The following CCN5 variants were observed in gnomAD, a reference collection of about 807,000 sequenced individuals.
CCN5 encodes CCN family member 5.
A neutral mutation model predicts 18.7 loss-of-function variants in CCN5; 17 were observed. The observed-to-expected ratio is 0.91, with a 90% CI of 0.62 to 1.36. The LOEUF (loss-of-function observed/expected upper bound fraction) is 1.36. Among genes scored for constraint, CCN5 ranks in the 40% most tolerant of loss-of-function variants. The pLI, the probability that CCN5 is intolerant of heterozygous loss-of-function variation, is 0.00. For missense variants in CCN5, 367 were observed against 342.9 expected, an observed-to-expected ratio of 1.07 and a Z score of -0.56; for synonymous variants, 135 against 145.2, an observed-to-expected ratio of 0.93 and a Z score of 0.50.
In CCN5 at chr20:44,724,904, C is replaced by A. The variant is rs745523302; in HGVS notation, c.444C>A (p.Pro148=). Residue 148 remains proline (P), a synonymous_variant, in exon 3 of 4, where the codon CCC becomes CCA. Coordinates refer to ENST00000190983, the MANE Select transcript of CCN5 (RefSeq NM_003881.4). ...TGCCCAGCTGGGACTGCCCCCACCC[C>A]AGGAGGGTCGAGGTCCTGGGCAAGT... ...VRLPSWDCPH[P]RRVEVLGKCC... The A allele has an allele frequency of 1.0e-5, 16 of 1,594,104 alleles. No individual in the cohort carries two copies. The East Asian group carries it at 3.2e-4, about 32-fold the overall frequency.
chr20:44,727,467 C>G lies in CCN5; in HGVS notation c.*160C>G. 1 of 1,432,596 alleles carries G rather than the reference C, an allele frequency of 7.0e-7. No individual in the cohort carries two copies. The highest frequency in any genetic ancestry group is 9.2e-7 in the Non-Finnish European group (1 of 1,088,346). 88.7% of individuals were successfully genotyped at this position (1,432,596 alleles called of 1,614,324 possible). On this transcript the variant is annotated 3_prime_UTR_variant, in exon 4 of 4. Coordinates refer to ENST00000190983, the MANE Select transcript of CCN5 (RefSeq NM_003881.4). Reference sequence around the variant, plus strand: ...CAGAACACCAATATTAACACGCTGCCTGGTCTGTCTGGATCCCGAGGTATG... The same window carrying G: ...CAGAACACCAATATTAACACGCTGCGTGGTCTGTCTGGATCCCGAGGTATG...
At chr20:44,723,212 C>T (rs2145417737) in intron 2 of CCN5, among the ~76,000 whole-genome samples, 1 of 152,206 alleles carries the variant, frequency 6.6e-6, no homozygotes. Flanking sequence ...GTTCCCTCTA[C>T]CAGCATTATT....
At chr20:44,715,640 G>A (rs1053358461) in intron 1 of CCN5, among the ~76,000 whole-genome samples, 190 bp downstream of exon 1, 1 of 152,236 alleles carries the variant, frequency 6.6e-6, no homozygotes, top group Admixed American at 6.5e-5. Flanking sequence ...CAGCCCTGCT[G>A]TGTGACCTCA....
chr20:44,715,321 C>T, upstream of CCN5: 3 of 1,491,258 alleles, frequency 2.0e-6, no homozygotes, highest in South Asian at 1.2e-5. Flanking sequence ...CTGGGAGTGA[C>T]CTCACAGCTG....
rs142405609 is a variant in CCN5, at chr20:44,727,357, C to G, written c.*50C>G. 1.6e-3 allele frequency: 2,555 copies of G among 1,557,832 alleles called. 27 individuals are homozygous for G. The Middle Eastern group carries it at 0.022, about 13-fold the overall frequency. ...GTGTCCACCATCCCCAGCTGGTGGCCCTGTGCCTGGGCCCTGGGCTGATGG... is the reference window on the plus strand; with the variant it reads ...GTGTCCACCATCCCCAGCTGGTGGCGCTGTGCCTGGGCCCTGGGCTGATGG... On this transcript the variant is annotated 3_prime_UTR_variant, in exon 4 of 4. Transcript: ENST00000190983.
chr20:44,717,900 G>T (rs982017730), intron 1 of CCN5, among the ~76,000 whole-genome samples: 2 of 147,210 alleles, frequency 1.4e-5, no homozygotes, highest in Non-Finnish European at 3.0e-5. Flanking sequence ...AAAAAAAAAA[G>T]AAAGAAAAAG....
At chr20:44,723,354 G>C (rs1001887059) in intron 2 of CCN5, among the ~76,000 whole-genome samples, 2 of 150,164 alleles carry the variant, frequency 1.3e-5, no homozygotes, top group Admixed American at 6.6e-5. Flanking sequence ...TCTGCTATGT[G>C]CCAGGCTTGG....
At chr20:44,719,430 G>A (rs34745387) in intron 1 of CCN5, among the ~76,000 whole-genome samples, 10,665 of 152,196 alleles carry the variant, frequency 0.07, 419 homozygotes, top group African/African-American at 0.096. Flanking sequence ...CGAGGCGGGC[G>A]GATTGCCTGA....
chr20:44,725,559 A>AAC (rs2065930780), intron 3 of CCN5, among the ~76,000 whole-genome samples: 1 of 152,124 alleles, frequency 6.6e-6, no homozygotes, highest in Admixed American at 6.5e-5. Flanking sequence ...TAAAAATAAA[A>AAC]ACTGGGTGAC....
Position 44,727,606 on chromosome 20 carries a change from A to C in CCN5, c.*299A>C. 12 of 1,080,972 alleles carry C rather than the reference A, an allele frequency of 1.1e-5. No individual in the cohort carries two copies. Among genetic ancestry groups the C allele is most frequent in the Non-Finnish European group, 1.3e-5 (11 of 841,548 alleles). The allele number at this position is 1,080,972 out of a possible 1,614,324, so 67.0% of individuals were successfully genotyped here. A position where few individuals can be genotyped will look rare whatever the true frequency, so the allele number is the denominator to read the frequency against. On this transcript the variant is annotated 3_prime_UTR_variant, in exon 4 of 4. Coordinates refer to ENST00000190983, the MANE Select transcript of CCN5 (RefSeq NM_003881.4). ...CCTACACACACAGCCTATATCAAAC[A>C]TGCACACGGGCGAGCTTTCTCTCCG... is the stretch of plus-strand genomic sequence containing the variant.
chr20:44,724,400 T>C, intron 2 of CCN5: 1 of 369,682 alleles, frequency 2.7e-6, no homozygotes, highest in Non-Finnish European at 4.9e-6. Context: ...GAGTAGTCTC[T>C]ACCACCCTGG....
intron 2 of CCN5, 198 bp from the exon 3 acceptor site, chr20:44,724,540 C>G (rs1179342810): frequency 1.8e-5 from 14 of 758,564 alleles, no homozygotes; most frequent in Non-Finnish European, 2.7e-5. Flanking sequence ...TGTCTTCTTG[C>G]AATCCCTGTG....
rs1568882801 is a variant in CCN5 at position 44,727,307 on chromosome 20, G to C, written c.753G>C (p.Ter251TyrextTer24). 6.2e-7 allele frequency: 1 copy of C among 1,605,702 alleles called. No individual in the cohort carries two copies. Among genetic ancestry groups the C allele is most frequent in the African/African-American group, 1.3e-5 (1 of 74,882 alleles). ...GCAGTCCACAAAACAGTGCCTTCTAGAGCCGGGCTGGGAATGGGGACACGG... is the reference window on the plus strand; with the variant it reads ...GCAGTCCACAAAACAGTGCCTTCTACAGCCGGGCTGGGAATGGGGACACGG... ...RGRSPQNSAF[*>Y] The change falls in exon 4 of 4, where the codon TAG becomes TAC. Residue 251 changes from the stop codon to tyrosine, a stop_lost. Transcript: ENST00000190983.
At position 44,715,437 on chromosome 20, in the gene CCN5, G is replaced by A; in HGVS notation, c.47G>A (p.Cys16Tyr). The stretch of plus-strand genomic sequence containing the variant: ...CACCTCCTGGCCTTCTCCCTCCTCT[G>A]CCTCCTCTCAAAGGTAAGGAGGCCC... ...KTHLLAFSLL[C>Y]LLSKVRTQLC... is the part of the protein sequence containing the mutation. Residue 16 changes from cysteine (C) to tyrosine (Y), a missense_variant, in exon 1 of 4, where the codon TGC (cysteine) becomes TAC (tyrosine). Physicochemically the swap from Cys to Tyr is radical, Grantham distance 194. Coordinates refer to ENST00000190983, the MANE Select transcript of CCN5 (RefSeq NM_003881.4). 1 of 1,596,584 alleles carries A rather than the reference G, an allele frequency of 6.3e-7. No individual in the cohort carries two copies. Among genetic ancestry groups the A allele is most frequent in the Non-Finnish European group, 8.5e-7 (1 of 1,171,770 alleles).
chr20:44,718,879 ATTC>A, intron 1 of CCN5, among the ~76,000 whole-genome samples: 1 of 152,254 alleles, frequency 6.6e-6, no homozygotes, highest in South Asian at 2.1e-4. Context: ...AAAAATAAAG[ATTC>A]CAGGTCCCTG....
intron 3 of CCN5, 146 bp downstream of exon 3, chr20:44,725,138 T>A: frequency 8.4e-7 from 1 of 1,193,220 alleles, no homozygotes; most frequent in Non-Finnish European, 1.1e-6. Flanking sequence ...AGGAGGGAGA[T>A]AAGAAAGAGG....
At chr20:44,718,740 C>T (rs1042550167) in intron 1 of CCN5, among the ~76,000 whole-genome samples, 22 of 152,300 alleles carry the variant, frequency 1.4e-4, no homozygotes, top group African/African-American at 4.3e-4. Flanking sequence ...AACACACTGA[C>T]GTGTGCTAAG....
rs368509084 is a variant in CCN5 at position 44,724,703 on chromosome 20, G to A, written c.278-35G>A. 6 of 1,610,114 alleles carry A rather than the reference G, an allele frequency of 3.7e-6. No homozygotes were observed. The East Asian group carries it at 1.3e-4, about 36-fold the overall frequency. On this transcript the variant is annotated intron_variant, in intron 2 of 3. Transcript: ENST00000190983. ...TGCAGAGAAGGCTGTGCCGCTTTGC[G>A]GGTCACCGATGGGGGTGCGGTTTTT...
intron 2 of CCN5, among the ~76,000 whole-genome samples, chr20:44,722,549 C>T (rs1288522649): frequency 6.7e-6 from 1 of 148,434 alleles, no homozygotes; most frequent in African/African-American, 2.5e-5. Context: ...CTCACTGTAA[C>T]CCCATCTCTT....
Sources: gnomAD v4.1 joint callset for allele counts (sites outside exome capture counted in the v4.1 genomes callset) on GRCh38, gnomAD v4.1.1 for gene constraint, MANE v1.5 for transcripts, NCBI Gene and HGNC (gene_info 2026-07-23, HGNC 2026-07-21) for gene names.